Variants in TP53BP2 observed in about 807,000 individuals in gnomAD.
TP53BP2 encodes the protein apoptosis-stimulating of p53 protein 2.
Under a neutral mutation model 126.2 loss-of-function variants are expected in TP53BP2, and 62 were observed. The ratio of observed to expected loss-of-function variants is 0.49; its 90% CI spans 0.40 to 0.61. The LOEUF (loss-of-function observed/expected upper bound fraction) is 0.61. Ranked by LOEUF, TP53BP2 falls within the 20% of genes least tolerant of loss-of-function variation. The probability of loss-of-function intolerance (pLI) is 0.00; values close to 1 mark genes in which losing one functional copy is unlikely to be tolerated. For missense variants in TP53BP2, 1,215 were observed against 1,402.8 expected (o/e 0.87, Z 2.14); for synonymous variants, 485 against 502.9 (o/e 0.96, Z 0.48).
At position 223,814,223 on chromosome 1, in the gene TP53BP2, C is replaced by G; in HGVS notation, c.289+17G>C. ...AAAAGCTTAAATATCTGTCACGATTCACAGAGCACTACCTACCAATGTCCC... is the reference window on the plus strand; with the variant it reads ...AAAAGCTTAAATATCTGTCACGATTGACAGAGCACTACCTACCAATGTCCC... On this transcript the variant is annotated intron_variant, in intron 3 of 17. Coordinates refer to ENST00000343537, the MANE Select transcript of TP53BP2 (RefSeq NM_001031685.3). 6.4e-7 allele frequency: 1 copy of G among 1,572,832 alleles called. No homozygotes were observed. Among genetic ancestry groups the G allele is most frequent in the Non-Finnish European group, 8.7e-7 (1 of 1,144,592 alleles).
chr1:223,802,751 G>A lies in TP53BP2; in HGVS notation c.976C>T (p.Gln326Ter). ...CTTACTGGTAGATTTTCTTTTTGCT[G>A]TAGAGCTGCCTTCTTCTTCCACAGC... ...DRLWKKKAAL[Q>*]QKENLPVSSD... The change falls in exon 8 of 18, where the codon CAG (glutamine) becomes TAG (stop). Residue 326 changes from glutamine (Q) to a stop codon, truncating the protein, a stop_gained. Transcript: ENST00000343537. LOFTEE classifies it high-confidence loss of function. 2 of 1,613,982 alleles carry A rather than the reference G, an allele frequency of 1.2e-6. No individual in the cohort carries two copies. The highest frequency in any genetic ancestry group is 1.7e-6 in the Non-Finnish European group (2 of 1,179,968).
chr1:223,793,482 G>T, intron 13 of TP53BP2, 42 bp from the exon 14 acceptor site: 1 of 1,473,966 alleles, frequency 6.8e-7, no homozygotes, highest in Non-Finnish European at 9.0e-7. Context: ...CCTCGTCTAT[G>T]CAAGAGAACA....
chr1:223,805,459 C>A (rs188495403), intron 5 of TP53BP2, among the ~76,000 whole-genome samples: 2 of 152,148 alleles, frequency 1.3e-5, no homozygotes, highest in African/African-American at 4.8e-5. Context: ...ATTTTCAACA[C>A]GATCCCCAGG....
chr1:223,821,680 C>T (rs1663315614), intron 1 of TP53BP2, among the ~76,000 whole-genome samples: 1 of 152,166 alleles, frequency 6.6e-6, no homozygotes, highest in Non-Finnish European at 1.5e-5. Context: ...TGGACCCATA[C>T]TACAAATATA....
At chr1:223,787,297 A>G (rs1267997864) in intron 16 of TP53BP2, among the ~76,000 whole-genome samples, 4 of 152,304 alleles carry the variant, frequency 2.6e-5, no homozygotes, top group Non-Finnish European at 5.9e-5. Flanking sequence ...TCAGGGTTGT[A>G]GTGAGCTATG....
chr1:223,805,145 C>T (rs1010546004), intron 5 of TP53BP2, among the ~76,000 whole-genome samples: 1 of 151,856 alleles, frequency 6.6e-6, no homozygotes, highest in South Asian at 2.1e-4. Context: ...ATGCCTAGAA[C>T]ATATAAGTAA....
In TP53BP2 at chr1:223,810,556, A is replaced by G. The variant is rs79238053; in HGVS notation, c.290-43T>C. The G allele has an allele frequency of 2.0e-4, 269 of 1,334,712 alleles. 1 individual carries two copies. The East Asian group carries it at 6.2e-3, about 31-fold the overall frequency. The allele number at this position is 1,334,712 out of a possible 1,614,324, so 82.7% of individuals were successfully genotyped here. A position where few individuals can be genotyped will look rare whatever the true frequency, so the allele number is the denominator to read the frequency against. ...AAACTATGCATTAACACTAGAGTTG[A>G]CAGATATTTTAAGAACCAGTTCATT... On this transcript the variant is annotated intron_variant, in intron 3 of 17. Coordinates refer to ENST00000343537, the MANE Select transcript of TP53BP2 (RefSeq NM_001031685.3).
chr1:223,815,320 C>G (rs1195329178), intron 2 of TP53BP2, among the ~76,000 whole-genome samples: 7 of 152,126 alleles, frequency 4.6e-5, no homozygotes, highest in Admixed American at 1.3e-4. Context: ...GGTTCTACTT[C>G]CAGTAACATA....
intron 1 of TP53BP2, among the ~76,000 whole-genome samples, chr1:223,835,569 T>C (rs1255138328): frequency 1.3e-5 from 2 of 152,216 alleles, no homozygotes. Flanking sequence ...ATTTTTAAGA[T>C]CTATCCGTGA....
intron 1 of TP53BP2, among the ~76,000 whole-genome samples, chr1:223,828,755 C>A (rs992771783): frequency 1.3e-5 from 2 of 152,072 alleles, no homozygotes; most frequent in East Asian, 1.9e-4. Flanking sequence ...GCATATAATT[C>A]CATTTATATG....
rs368589021 is a variant in TP53BP2 at position 223,802,348 on chromosome 1, A to C, written c.997-4T>G. 5 of 1,613,264 alleles carry C rather than the reference A, an allele frequency of 3.1e-6. No homozygotes were observed. The African/African-American group carries it at 6.7e-5, about 22-fold the overall frequency. On this transcript the variant is annotated splice_region_variant and splice_polypyrimidine_tract_variant and intron_variant, in intron 8 of 17. Transcript: ENST00000343537. ...GAAGATTTCCATCAGATGAAACCTT[A>C]GGAAAGAAGCACAGGTCCTTTAGTA...
chr1:223,821,247 G>A lies in TP53BP2; in HGVS notation c.148C>T (p.His50Tyr), dbSNP rs747463238. ...LCKEPGESDC[H>Y]LAEVWCGSER... ...GAGCCACACCACACTTCAGCCAAAT[G>A]GCAATCACTCTCGCCGGGTTCTTTG... Residue 50 changes from histidine (H) to tyrosine (Y), a missense_variant, in exon 2 of 18, where the codon CAT becomes TAT. Around this residue, in one of 4 missense-constraint regions of TP53BP2, gnomAD observed 814 missense variants for 853.0 expected, o/e 0.95. Transcript: ENST00000343537. 2 of 1,614,032 alleles carry A rather than the reference G, an allele frequency of 1.2e-6. No individual in the cohort carries two copies. Among genetic ancestry groups the A allele is most frequent in the Non-Finnish European group, 8.5e-7 (1 of 1,179,904 alleles).
chr1:223,807,199 A>C (rs1236132344), intron 4 of TP53BP2, among the ~76,000 whole-genome samples: 2 of 152,250 alleles, frequency 1.3e-5, no homozygotes, highest in Admixed American at 1.3e-4. Context: ...GTTTAAAATT[A>C]AATAGTTTCA....
intron 9 of TP53BP2, chr1:223,801,868 T>C (rs1324318014): frequency 6.6e-6 from 2 of 301,758 alleles, no homozygotes; most frequent in African/African-American, 2.2e-5. Context: ...TTCAGGTTTA[T>C]AAAGATATTA....
chr1:223,841,684 T>C (rs749629913), intron 1 of TP53BP2, among the ~76,000 whole-genome samples: 6 of 152,222 alleles, frequency 3.9e-5, no homozygotes, highest in Non-Finnish European at 8.8e-5. Flanking sequence ...CTCAGAAATA[T>C]ACAAATCCTA....
At chr1:223,818,050 A>C (rs1365651475) in intron 2 of TP53BP2, among the ~76,000 whole-genome samples, 1 of 152,226 alleles carries the variant, frequency 6.6e-6, no homozygotes, top group Non-Finnish European at 1.5e-5. Flanking sequence ...GTTTACATAA[A>C]GGAAAAATGG....
At chr1:223,802,048 T>G (rs1466693353) in intron 9 of TP53BP2, 68 bp downstream of exon 9, 9 of 1,456,770 alleles carry the variant, frequency 6.2e-6, no homozygotes, top group Non-Finnish European at 7.5e-6. Flanking sequence ...GAGAGATTTT[T>G]TTTAAACTCA....
intron 1 of TP53BP2, among the ~76,000 whole-genome samples, chr1:223,834,126 G>A (rs1663836365): frequency 6.6e-6 from 1 of 152,210 alleles, no homozygotes; most frequent in Admixed American, 6.5e-5. Flanking sequence ...GCCAATGAGG[G>A]CAGGGAGAAC....
At chr1:223,810,559 G>T in intron 3 of TP53BP2, 46 bp from the exon 4 acceptor site, 1 of 1,285,218 alleles carries the variant, frequency 7.8e-7, no homozygotes, top group Non-Finnish European at 1.1e-6. Context: ...AGAGTTGACA[G>T]ATATTTTAAG....
Sources: gnomAD v4.1 joint callset for allele counts (sites outside exome capture counted in the v4.1 genomes callset) on GRCh38, gnomAD v4.1.1 for gene constraint, gnomAD v4.1.1 regional missense constraint, MANE v1.5 for transcripts, NCBI Gene and HGNC (gene_info 2026-07-23, HGNC 2026-07-21) for gene names.